CRK: variants seen among roughly 807,000 people sequenced by gnomAD.
CRK encodes the protein CRK proto-oncogene, adaptor protein.
A neutral mutation model predicts 29.8 loss-of-function variants in CRK; 4 were observed. The observed-to-expected ratio is 0.13, with a 90% CI of 0.07 to 0.31. The LOEUF is 0.31. Among genes scored for constraint, CRK ranks in the 10% least tolerant of loss-of-function variants. The pLI is 1.00. For missense variants in CRK, 274 were observed against 396.5 expected, an observed-to-expected ratio of 0.69 and a Z score of 2.62; for synonymous variants, 153 against 164.9, an observed-to-expected ratio of 0.93 and a Z score of 0.55.
intron 2 of CRK, among the ~76,000 whole-genome samples, chr17:1,430,851 A>T (rs1394921881): frequency 6.6e-6 from 1 of 151,430 alleles, no homozygotes; most frequent in Non-Finnish European, 1.5e-5. Flanking sequence ...GTGGATCACG[A>T]GGTCAGCAGA....
At chr17:1,436,593 T>C (rs1484159718) in intron 2 of CRK, 27 bp downstream of exon 2, 1 of 1,568,658 alleles carries the variant, frequency 6.4e-7, no homozygotes. Context: ...GCAGATCTCT[T>C]CTTTCTACAT....
Position 1,436,872 on chromosome 17 carries a change from G to C in CRK, c.525C>G (p.Ser175Arg), listed in dbSNP as rs773332314. ...PEEQWWNAED[S>R]EGKRGMIPVP... The stretch of plus-strand genomic sequence containing the variant: ...CTGGAATCATCCCTCTCTTGCCTTC[G>C]CTGTCCTCCGCATTCCACCACTGCT... Residue 175 changes from serine to arginine, a missense_variant, in exon 2 of 3, where the codon AGC becomes AGG. Physicochemically the swap from Ser to Arg is moderately radical, Grantham distance 110 (BLOSUM62 -1). Coordinates refer to ENST00000300574, the MANE Select transcript of CRK (RefSeq NM_016823.4). 3.1e-6 allele frequency: 5 copies of C among 1,611,688 alleles called. No homozygotes were observed. The highest frequency in any genetic ancestry group is 4.2e-6 in the Non-Finnish European group (5 of 1,178,464).
intron 1 of CRK, among the ~76,000 whole-genome samples, chr17:1,441,128 A>G (rs2073932114): frequency 6.6e-6 from 1 of 151,836 alleles, no homozygotes; most frequent in South Asian, 2.1e-4. Context: ...GGATTTCGCC[A>G]TGTTGCCCAA....
At chr17:1,433,088 G>A (rs8064892) in intron 2 of CRK, among the ~76,000 whole-genome samples, 1 of 151,984 alleles carries the variant, frequency 6.6e-6, no homozygotes, top group Non-Finnish European at 1.5e-5. Context: ...AAGGCTAATC[G>A]ATCCTGGTGC....
At chr17:1,448,285 A>C (rs570744888) in intron 1 of CRK, among the ~76,000 whole-genome samples, 6 of 151,980 alleles carry the variant, frequency 3.9e-5, no homozygotes, top group African/African-American at 1.4e-4. Context: ...CTCACCCCCG[A>C]CTCTGCAAAA....
In CRK at chr17:1,450,921, G is replaced by A. The variant is rs538513499; in HGVS notation, c.241+4956C>T. The stretch of plus-strand genomic sequence containing the variant: ...AAAACAAAACAAATAGGCCGGGCGC[G>A]GTGGCTCACACCTGTAATCCCAGCA... On this transcript the variant is annotated intron_variant, in intron 1 of 2. Transcript: ENST00000300574. Among the ~76,000 whole-genome samples the A allele has an allele frequency of 6.6e-5, 10 of 151,940 alleles. No individual in the cohort carries two copies. In the East Asian group the frequency reaches 7.8e-4, roughly 12 times the overall value.
chr17:1,454,477 C>T (rs2150916352), intron 1 of CRK, among the ~76,000 whole-genome samples: 1 of 152,304 alleles, frequency 6.6e-6, no homozygotes, highest in South Asian at 2.1e-4. Flanking sequence ...GATTGCGCCA[C>T]TGTGCTCCAG....
At chr17:1,437,200 G>T in intron 1 of CRK, 45 bp from the exon 2 acceptor site, 1 of 1,509,800 alleles carries the variant, frequency 6.6e-7, no homozygotes, top group Non-Finnish European at 8.9e-7. Context: ...GTACTACACT[G>T]GAAATGAAAT....
intron 1 of CRK, among the ~76,000 whole-genome samples, chr17:1,447,774 A>G (rs1199393018): frequency 2.0e-5 from 3 of 150,466 alleles, no homozygotes; most frequent in Admixed American, 6.6e-5. Flanking sequence ...CCACCACCAC[A>G]CCTGGCTAAT....
chr17:1,443,123 C>T (rs12941913), intron 1 of CRK, among the ~76,000 whole-genome samples: 79,694 of 151,340 alleles, frequency 0.53, 21,720 homozygotes, highest in South Asian at 0.63. Flanking sequence ...AGATTACAGG[C>T]GGCCACCACG....
At chr17:1,433,691 G>C (rs756052795) in intron 2 of CRK, among the ~76,000 whole-genome samples, 17 of 151,542 alleles carry the variant, frequency 1.1e-4, no homozygotes, top group Non-Finnish European at 2.4e-4. Flanking sequence ...GCTAATTTTT[G>C]TATTTTTAGT....
Position 1,423,332 on chromosome 17 carries a change from T to C in CRK, c.*181A>G, listed in dbSNP as rs987221924. 1.3e-6 allele frequency: 1 copy of C among 771,418 alleles called. No homozygotes were observed. Among genetic ancestry groups the C allele is most frequent in the Non-Finnish European group, 2.0e-6 (1 of 501,960 alleles). 47.8% of individuals were successfully genotyped at this position (771,418 alleles called of 1,614,324 possible). ...GCTAACACACAAGCCCTCCAGTTCG[T>C]ACCCTGAATATGGTAATTAAGACTA... On this transcript the variant is annotated 3_prime_UTR_variant, in exon 3 of 3. Coordinates refer to ENST00000300574, the MANE Select transcript of CRK (RefSeq NM_016823.4).
chr17:1,433,508 GCTTTTTTTTTTT>G (rs1185099880), intron 2 of CRK, among the ~76,000 whole-genome samples: 2 of 114,368 alleles, frequency 1.7e-5, no homozygotes, highest in Non-Finnish European at 3.5e-5. Flanking sequence ...ACCACGCCTG[GCTTTTTTTTTTT>G]TTTTTTTTTT....
intron 2 of CRK, among the ~76,000 whole-genome samples, chr17:1,435,116 G>A (rs62089617): frequency 0.061 from 9,273 of 152,092 alleles, 400 homozygotes; most frequent in Non-Finnish European, 0.096. Flanking sequence ...CTGGAGTGCA[G>A]TGTCATGATC....
chr17:1,425,304 A>G (rs1004395360), intron 2 of CRK, among the ~76,000 whole-genome samples: 13 of 151,568 alleles, frequency 8.6e-5, no homozygotes, highest in Admixed American at 2.6e-4. Context: ...ATGTTAGCCA[A>G]GATGGTCTCG....
At chr17:1,444,597 G>GGT (rs773304870) in intron 1 of CRK, among the ~76,000 whole-genome samples, 2 of 110,486 alleles carry the variant, frequency 1.8e-5, no homozygotes, top group Admixed American at 9.3e-5. Flanking sequence ...AGCCGAAGCG[G>GGT]GGGGGGGGAT....
At chr17:1,450,456 G>A (rs1486893547) in intron 1 of CRK, among the ~76,000 whole-genome samples, 4 of 152,048 alleles carry the variant, frequency 2.6e-5, no homozygotes, top group South Asian at 2.1e-4. Flanking sequence ...TCAGTGAGCC[G>A]AGATCGCGCC....
At chr17:1,455,257 C>T (rs2074046809) in intron 1 of CRK, among the ~76,000 whole-genome samples, 1 of 152,220 alleles carries the variant, frequency 6.6e-6, no homozygotes, top group Non-Finnish European at 1.5e-5. Flanking sequence ...TCTGCTACCA[C>T]TATTTCTTCT....
chr17:1,455,268 A>C (rs920873237), intron 1 of CRK, among the ~76,000 whole-genome samples: 11 of 152,142 alleles, frequency 7.2e-5, no homozygotes, highest in African/African-American at 2.2e-4. Context: ...TATTTCTTCT[A>C]GCACTTAGTT....
Sources: gnomAD v4.1 joint callset for allele counts (sites outside exome capture counted in the v4.1 genomes callset) on GRCh38, gnomAD v4.1.1 for gene constraint, MANE v1.5 for transcripts, NCBI Gene and HGNC (gene_info 2026-07-23, HGNC 2026-07-21) for gene names.